PLA2G1B: variants seen among roughly 807,000 people sequenced by gnomAD.
PLA2G1B encodes the protein phospholipase A2 group IB.
A neutral mutation model predicts 12.5 loss-of-function variants in PLA2G1B; 12 were observed. The ratio of observed to expected loss-of-function variants is 0.96; its 90% CI spans 0.62 to 1.56. The LOEUF (loss-of-function observed/expected upper bound fraction) is 1.56. PLA2G1B is among the 40% of genes most tolerant of loss of function. PLA2G1B has a pLI of 0.00. For missense variants in PLA2G1B, 189 were observed against 186.7 expected, an observed-to-expected ratio of 1.01 and a Z score of -0.07; for synonymous variants, 81 against 73.4, an observed-to-expected ratio of 1.10 and a Z score of -0.53.
chr12:120,324,816 G>A, intron 3 of PLA2G1B, 118 bp downstream of exon 3: 2 of 985,334 alleles, frequency 2.0e-6, no homozygotes, highest in East Asian at 2.4e-5. Flanking sequence ...AGGATTAAAG[G>A]AGACACTGCC....
chr12:120,323,919 G>A (rs1268544503), intron 3 of PLA2G1B, among the ~76,000 whole-genome samples: 1 of 152,042 alleles, frequency 6.6e-6, no homozygotes, highest in Non-Finnish European at 1.5e-5. Flanking sequence ...AAAAGAAAAA[G>A]AAAGTTTATA....
chr12:120,325,371 G>A (rs1873320716), intron 2 of PLA2G1B, among the ~76,000 whole-genome samples: 1 of 151,906 alleles, frequency 6.6e-6, no homozygotes, highest in Non-Finnish European at 1.5e-5. Flanking sequence ...GCTAATTTTT[G>A]TATTTTTTAG....
intron 1 of PLA2G1B, among the ~76,000 whole-genome samples, chr12:120,326,679 A>G (rs1592909362): frequency 6.6e-6 from 1 of 151,448 alleles, no homozygotes; most frequent in East Asian, 1.9e-4. Context: ...ATAAATAATA[A>G]ATGTGATAAG....
intron 2 of PLA2G1B, 98 bp downstream of exon 2, chr12:120,325,763 A>G (rs1873328901): frequency 1.9e-6 from 2 of 1,080,536 alleles, no homozygotes; most frequent in South Asian, 2.8e-5. Context: ...TCCTTAGCAG[A>G]TATGCAAGTC....
At chr12:120,322,645 G>A (rs1013117147) in intron 3 of PLA2G1B, among the ~76,000 whole-genome samples, 1 of 152,124 alleles carries the variant, frequency 6.6e-6, no homozygotes, top group South Asian at 2.1e-4. Context: ...GGAGTGCAGT[G>A]GCGTGATCTC....
chr12:120,325,834 C>T (rs746255272), intron 2 of PLA2G1B, 27 bp downstream of exon 2: 1 of 1,611,350 alleles, frequency 6.2e-7, no homozygotes, highest in South Asian at 1.1e-5. Context: ...GCAGGCACTC[C>T]AATTTTCCTG....
At chr12:120,326,228 A>C (rs1873344810) in intron 1 of PLA2G1B, 1 of 386,204 alleles carries the variant, frequency 2.6e-6, no homozygotes, top group Non-Finnish European at 4.6e-6. Context: ...TAAAGTTTAT[A>C]TCTTTGTGTG....
intron 1 of PLA2G1B, 125 bp downstream of exon 1, chr12:120,327,595 C>A: frequency 2.1e-6 from 2 of 936,648 alleles, no homozygotes; most frequent in South Asian, 2.7e-5. Context: ...CCACTGGGAA[C>A]CTCGAATTGA....
At chr12:120,326,218 T>G in intron 1 of PLA2G1B, 198 bp from the exon 2 acceptor site, 1 of 432,056 alleles carries the variant, frequency 2.3e-6, no homozygotes, top group Non-Finnish European at 4.1e-6. Flanking sequence ...TTTATATATA[T>G]AAAGTTTATA....
chr12:120,326,072 C>A (rs1592909055), intron 1 of PLA2G1B, 52 bp from the exon 2 acceptor site: 6 of 1,592,256 alleles, frequency 3.8e-6, no homozygotes, highest in Non-Finnish European at 5.1e-6. Context: ...ACCCCGGGGA[C>A]ACACTGCCTT....
chr12:120,325,801 G>A, intron 2 of PLA2G1B, 60 bp downstream of exon 2: 1 of 1,526,862 alleles, frequency 6.5e-7, no homozygotes, highest in Non-Finnish European at 9.0e-7. Flanking sequence ...GAGATCCTTG[G>A]CGTGTGCCCC....
At position 120,327,704 on chromosome 12, in the gene PLA2G1B, G is replaced by T. The variant is rs1419830000; in HGVS notation, c.34+16C>A. ...TTGGGAGAGAAAGGCGGGTGGAGCC[G>T]GGGAGACTTGCCTACCTGTGAGCAG... On this transcript the variant is annotated intron_variant, in intron 1 of 3. Coordinates refer to ENST00000308366, the MANE Select transcript of PLA2G1B (RefSeq NM_000928.3). 2 of 1,612,148 alleles carry T rather than the reference G, an allele frequency of 1.2e-6. No individual in the cohort carries two copies. Among genetic ancestry groups the T allele is most frequent in the Non-Finnish European group, 8.5e-7 (1 of 1,178,576 alleles).
intron 3 of PLA2G1B, among the ~76,000 whole-genome samples, chr12:120,323,630 A>AT (rs1378742450): frequency 6.6e-6 from 1 of 150,466 alleles, no homozygotes; most frequent in African/African-American, 2.4e-5. Flanking sequence ...AGTTGCAAAC[A>AT]TTAAAAAAAA....
At chr12:120,322,521 T>C (rs977766326) in intron 3 of PLA2G1B, among the ~76,000 whole-genome samples, 9 of 152,220 alleles carry the variant, frequency 5.9e-5, no homozygotes, top group Non-Finnish European at 1.0e-4. Context: ...TTGGGACATA[T>C]ACCCCCCAAA....
At chr12:120,326,063 C>A (rs1169316268) in intron 1 of PLA2G1B, 43 bp from the exon 2 acceptor site, 2 of 1,603,162 alleles carry the variant, frequency 1.2e-6, no homozygotes, top group Admixed American at 1.7e-5. Context: ...TCTGCCAGCA[C>A]CCCGGGGACA....
Position 120,324,938 on chromosome 12 carries a change from A to G in PLA2G1B, c.318T>C (p.Cys106=), listed in dbSNP as rs1348923822. 7.4e-6 allele frequency: 12 copies of G among 1,614,128 alleles called. No homozygotes were observed. The highest frequency in any genetic ancestry group is 1.7e-5 in the Admixed American group (1 of 60,008). Residue 106 remains cysteine, a synonymous_variant, in exon 3 of 4, where the codon TGT becomes TGC. Coordinates refer to ENST00000308366, the MANE Select transcript of PLA2G1B (RefSeq NM_000928.3). The part of the protein sequence containing the change: ...SYSCSGSAIT[C]SSKNKECEAF... Reference sequence around the variant, plus strand: ...TCAAGGAAGGGATAAACCTACTGCTACAGGTGATTGCCGAGCCAGAGCACG... The same window carrying G: ...TCAAGGAAGGGATAAACCTACTGCTGCAGGTGATTGCCGAGCCAGAGCACG...
At chr12:120,324,872 A>G (rs556725829) in intron 3 of PLA2G1B, 62 bp downstream of exon 3, 3 of 1,561,814 alleles carry the variant, frequency 1.9e-6, no homozygotes, top group African/African-American at 2.7e-5. Flanking sequence ...TGTTACTATT[A>G]TTTCCCCCCG....
chr12:120,325,908 G>A lies in PLA2G1B; in HGVS notation c.147C>T (p.Cys49=). The A allele has an allele frequency of 6.2e-7, 1 of 1,614,164 alleles. No individual in the cohort carries two copies. Among genetic ancestry groups the A allele is most frequent in the Non-Finnish European group, 8.5e-7 (1 of 1,180,006 alleles). The change falls in exon 2 of 4, where the codon TGC becomes TGT. Residue 49 remains cysteine (C), a synonymous_variant. Transcript: ENST00000308366. ...DPFLEYNNYG[C]YCGLGGSGTP... ...TGCCTGAGCCCCCCAAGCCACAGTAGCAGCCGTAGTTGTTGTATTCCAAGA... is the reference window on the plus strand; with the variant it reads ...TGCCTGAGCCCCCCAAGCCACAGTAACAGCCGTAGTTGTTGTATTCCAAGA...
At position 120,325,862 on chromosome 12, in the gene PLA2G1B, T is replaced by C. The variant is rs977289608; in HGVS notation, c.193A>G (p.Lys65Glu). The change falls in exon 2 of 4, where the codon AAG (lysine) becomes GAG (glutamate). Residue 65 changes from lysine to glutamate, a missense_variant and splice_region_variant. Lys to Glu is a moderately conservative substitution (Grantham distance 56, BLOSUM62 1). Transcript: ENST00000308366. ...GSGTPVDELD[K>E]CCQTHDNCYD... Reference sequence around the variant, plus strand: ...TTTTCCTGCAGGCGGATCACTTACTTGTCCAGTTCATCCACGGGGGTGCCT... The same window carrying C: ...TTTTCCTGCAGGCGGATCACTTACTCGTCCAGTTCATCCACGGGGGTGCCT... 6 of 1,613,884 alleles carry C rather than the reference T, an allele frequency of 3.7e-6. No homozygotes were observed. Among genetic ancestry groups the C allele is most frequent in the Non-Finnish European group, 4.2e-6 (5 of 1,179,882 alleles).
Sources: allele counts gnomAD v4.1 joint callset (sites outside exome capture counted in the v4.1 genomes callset), GRCh38; gene constraint gnomAD v4.1.1; transcripts MANE v1.5; gene names NCBI Gene and HGNC (gene_info 2026-07-23, HGNC 2026-07-21).